The following NLGN1 variants were observed in gnomAD, a reference collection of about 807,000 sequenced individuals.
NLGN1 encodes neuroligin 1.
Under a neutral mutation model 65.5 loss-of-function variants are expected in NLGN1, and 12 were observed. The observed-to-expected ratio is 0.18, with a 90% CI of 0.12 to 0.30. The LOEUF (loss-of-function observed/expected upper bound fraction) is 0.30, where lower values mean the gene tolerates loss of function less well. Ranked by LOEUF, NLGN1 falls within the 10% of genes least tolerant of loss-of-function variation. NLGN1 has a pLI of 1.00. For synonymous variants in NLGN1, 350 were observed against 359.5 expected (o/e 0.97, Z 0.30); for missense variants, 750 against 1,007.1 (o/e 0.74, Z 3.46).
chr3:173,653,106 C>T (rs1194073142), intron 3 of NLGN1, among the ~76,000 whole-genome samples: 1 of 152,128 alleles, frequency 6.6e-6, no homozygotes, highest in Non-Finnish European at 1.5e-5. Context: ...TGAAACTTCA[C>T]TGAATTTATT....
chr3:174,102,135 G>C (rs1712653609), intron 4 of NLGN1, among the ~76,000 whole-genome samples: 1 of 152,098 alleles, frequency 6.6e-6, no homozygotes, highest in Non-Finnish European at 1.5e-5. Context: ...AGGCCTTTGT[G>C]GTTGCCATTC....
intron 4 of NLGN1, among the ~76,000 whole-genome samples, chr3:173,858,091 G>T (rs993314653): frequency 2.6e-5 from 4 of 151,854 alleles, no homozygotes; most frequent in Non-Finnish European, 4.4e-5. Flanking sequence ...ATTTCTCTTC[G>T]TAGGAAGAGA....
At chr3:174,091,567 T>C (rs1450756038) in intron 4 of NLGN1, among the ~76,000 whole-genome samples, 1 of 152,236 alleles carries the variant, frequency 6.6e-6, no homozygotes, top group African/African-American at 2.4e-5. Flanking sequence ...GAGGTCATGC[T>C]GCAGCTACCA....
At chr3:173,799,747 C>T (rs1172515342) in intron 3 of NLGN1, among the ~76,000 whole-genome samples, 1 of 151,602 alleles carries the variant, frequency 6.6e-6, no homozygotes, top group Non-Finnish European at 1.5e-5. Context: ...TAAAAAGTCA[C>T]AGTTTTGAAA....
At chr3:174,230,335 A>G (rs535744884) in intron 4 of NLGN1, among the ~76,000 whole-genome samples, 1 of 152,366 alleles carries the variant, frequency 6.6e-6, no homozygotes, top group East Asian at 1.9e-4. Flanking sequence ...TGATATACAA[A>G]TTAAAATGAG....
rs891856971 is a variant in NLGN1 at position 174,210,544 on chromosome 3, T to G, written c.647-64771T>G. On this transcript the variant is annotated intron_variant, in intron 4 of 6. Transcript: ENST00000457714. ...CTAGATTTTCTGAGGCCCTGAAATG[T>G]CACAGAATTTAAAAGCTGCAAAAAG... Among the ~76,000 whole-genome samples, 5 of 152,316 alleles carry G rather than the reference T, an allele frequency of 3.3e-5. No homozygotes were observed. In the East Asian group the frequency reaches 9.6e-4, roughly 29 times the overall value.
intron 3 of NLGN1, among the ~76,000 whole-genome samples, chr3:173,686,812 G>A (rs555752833): frequency 6.6e-6 from 1 of 152,112 alleles, no homozygotes; most frequent in Non-Finnish European, 1.5e-5. Flanking sequence ...AATTAGCGGG[G>A]TGTGGTGGCA....
intron 3 of NLGN1, among the ~76,000 whole-genome samples, chr3:173,748,338 G>C (rs574649683): frequency 6.6e-6 from 1 of 151,998 alleles, no homozygotes; most frequent in Non-Finnish European, 1.5e-5. Context: ...TGAACACATA[G>C]GGGCAGAGGA....
chr3:173,413,706 A>G (rs1713080155), intron 1 of NLGN1, among the ~76,000 whole-genome samples: 1 of 152,208 alleles, frequency 6.6e-6, no homozygotes, highest in African/African-American at 2.4e-5. Flanking sequence ...AAACTCTGGA[A>G]GACATTGGTT....
At chr3:174,272,232 G>GCACTT (rs1561443551) in intron 4 of NLGN1, among the ~76,000 whole-genome samples, 1 of 151,656 alleles carries the variant, frequency 6.6e-6, no homozygotes, top group East Asian at 1.9e-4. Flanking sequence ...CTATAGTTGA[G>GCACTT]CACTTCAATG....
rs182136257 is a variant in NLGN1 at position 173,501,701 on chromosome 3, C to T, written c.-321+66623C>T. Among the ~76,000 whole-genome samples, 1,174 of 150,506 alleles carry T rather than the reference C, an allele frequency of 7.8e-3. 14 individuals are homozygous for T. The highest frequency in any genetic ancestry group is 0.011 in the Non-Finnish European group (732 of 67,694). On this transcript the variant is annotated intron_variant, in intron 2 of 6. Coordinates refer to ENST00000457714, the Ensembl canonical transcript of NLGN1. ...AAAATAATAATTATAGAATTCTCTA[C>T]GTATAGAATTTCTATACATAAAATT...
At chr3:174,247,955 T>C (rs1744100514) in intron 4 of NLGN1, among the ~76,000 whole-genome samples, 1 of 152,244 alleles carries the variant, frequency 6.6e-6, no homozygotes, top group Non-Finnish European at 1.5e-5. Flanking sequence ...GGACATGTTT[T>C]TAGCCTGTGT....
chr3:174,057,851 G>A (rs1260428767), intron 4 of NLGN1: 2 of 152,056 alleles, frequency 1.3e-5, no homozygotes, highest in African/African-American at 4.8e-5. Context: ...TCTGCTTGTA[G>A]AGAGTAGATA....
intron 2 of NLGN1, among the ~76,000 whole-genome samples, chr3:173,544,259 C>CGTGT (rs3980148): frequency 0.17 from 25,021 of 143,910 alleles, 2,182 homozygotes; most frequent in Middle Eastern, 0.26. Flanking sequence ...GATTATATTA[C>CGTGT]GTGTGTGTGT....
intron 4 of NLGN1, among the ~76,000 whole-genome samples, chr3:174,274,384 C>A (rs1750109776): frequency 6.6e-6 from 1 of 151,756 alleles, no homozygotes; most frequent in South Asian, 2.1e-4. Context: ...TTGACTCTCC[C>A]TTCTACAACT....
intron 3 of NLGN1, among the ~76,000 whole-genome samples, chr3:173,712,442 T>C (rs1258611064): frequency 1.3e-5 from 2 of 152,180 alleles, no homozygotes; most frequent in Non-Finnish European, 2.9e-5. Flanking sequence ...TCTAGATATT[T>C]AGCTCAGTGG....
intron 4 of NLGN1, among the ~76,000 whole-genome samples, chr3:174,233,164 G>C (rs970444573): frequency 1.1e-4 from 17 of 152,012 alleles, no homozygotes; most frequent in Non-Finnish European, 1.6e-4. Context: ...GTACCTTAAG[G>C]AAAGTGTGTA....
At chr3:173,591,718 C>A (rs2149399241) in intron 2 of NLGN1, among the ~76,000 whole-genome samples, 1 of 152,178 alleles carries the variant, frequency 6.6e-6, no homozygotes, top group Non-Finnish European at 1.5e-5. Context: ...AAGCAGGGAA[C>A]CAGGAATGGC....
At chr3:173,834,056 GA>G (rs1723123689) in intron 4 of NLGN1, among the ~76,000 whole-genome samples, 1 of 151,940 alleles carries the variant, frequency 6.6e-6, no homozygotes, top group South Asian at 2.1e-4. Flanking sequence ...GTACATGAAA[GA>G]AAAAAATCAA....
Sources: allele counts gnomAD v4.1 joint callset (sites outside exome capture counted in the v4.1 genomes callset), GRCh38; gene constraint gnomAD v4.1.1; transcripts MANE v1.5; gene names NCBI Gene and HGNC (gene_info 2026-07-23, HGNC 2026-07-21).